ADAM9: variants seen among roughly 807,000 people sequenced by gnomAD.
ADAM9 encodes the protein disintegrin and metalloproteinase domain-containing protein 9.
ADAM9 carries 54 observed loss-of-function variants against 108.1 expected under a neutral mutation model. That is an observed-to-expected ratio of 0.50 (90% CI 0.40 to 0.63). The LOEUF (loss-of-function observed/expected upper bound fraction) is 0.63. Among genes scored for constraint, ADAM9 ranks in the 20% least tolerant of loss-of-function variants. The pLI is 0.00. For missense variants in ADAM9, 830 were observed against 997.7 expected (o/e 0.83, Z 2.26); for synonymous variants, 316 against 336.0 (o/e 0.94, Z 0.65).
In ADAM9 at chr8:39,077,345, C is replaced by T. The variant is rs748475480; in HGVS notation, c.1815C>T (p.Phe605=). The change falls in exon 16 of 22, where the codon TTC becomes TTT. Residue 605 remains phenylalanine, a synonymous_variant. Transcript: ENST00000487273. ...GCACCAAATGTTGGGGTGTGGATTT[C>T]CAGCTAGGATCAGATGTTCCAGATC... The part of the protein sequence containing the change: ...SRGTKCWGVD[F]QLGSDVPDPG... 2 of 1,613,820 alleles carry T rather than the reference C, an allele frequency of 1.2e-6. No individual in the cohort carries two copies. Among genetic ancestry groups the T allele is most frequent in the Non-Finnish European group, 1.7e-6 (2 of 1,179,930 alleles).
At chr8:39,032,755 T>A (rs1837138250) in intron 11 of ADAM9, among the ~76,000 whole-genome samples, 1 of 152,214 alleles carries the variant, frequency 6.6e-6, no homozygotes, top group Non-Finnish European at 1.5e-5. Context: ...CTGCGTCTGT[T>A]ACACTGGGAG....
chr8:39,102,730 T>C (rs1302992984), intron 21 of ADAM9, among the ~76,000 whole-genome samples: 2 of 152,132 alleles, frequency 1.3e-5, no homozygotes, highest in Admixed American at 1.3e-4. Flanking sequence ...TGTCATGGAA[T>C]TAAAAGTCAA....
At chr8:39,042,652 A>G (rs947393212) in intron 12 of ADAM9, among the ~76,000 whole-genome samples, 1 of 151,526 alleles carries the variant, frequency 6.6e-6, no homozygotes, top group East Asian at 1.9e-4. Context: ...TCCTTTTTTT[A>G]TGTTTGATGT....
chr8:39,069,098 A>T (rs1163560779), intron 14 of ADAM9, among the ~76,000 whole-genome samples: 1 of 152,166 alleles, frequency 6.6e-6, no homozygotes, highest in Non-Finnish European at 1.5e-5. Flanking sequence ...TACGGTGTAA[A>T]AAGGGTTGAT....
chr8:39,026,470 T>G (rs1032255508), intron 10 of ADAM9, among the ~76,000 whole-genome samples: 1 of 152,244 alleles, frequency 6.6e-6, no homozygotes, highest in Non-Finnish European at 1.5e-5. Flanking sequence ...GACCTCTTGC[T>G]TGAAGGATCC....
chr8:39,096,747 C>T (rs1459898890), intron 20 of ADAM9, among the ~76,000 whole-genome samples: 2 of 152,120 alleles, frequency 1.3e-5, no homozygotes, highest in Non-Finnish European at 2.9e-5. Context: ...ATGCTTTCTT[C>T]TGCCTCATCA....
rs1588375894 is a variant in ADAM9, at chr8:39,045,145, T to TATATGTGTGCATACATAC, written c.1302+3032_1302+3033insGTGTGCATACATACATAT. 4.8e-5 allele frequency among the ~76,000 whole-genome samples: 5 copies of TATATGTGTGCATACATAC among 103,854 alleles called. 2 individuals are homozygous for TATATGTGTGCATACATAC. The East Asian group carries it at 1.0e-3, about 22-fold the overall frequency. The allele number at this position is 103,854 out of a possible 152,430, so 68.1% of individuals were successfully genotyped here. A position where few individuals can be genotyped will look rare whatever the true frequency, so the allele number is the denominator to read the frequency against. ...GTGTGTGCATACATACATATATGTG[T>TATATGTGTGCATACATAC]ATATATGTGTATACATACATATATG... is the stretch of plus-strand genomic sequence containing the variant. On this transcript the variant is annotated intron_variant, in intron 12 of 21. Transcript: ENST00000487273.
chr8:39,031,794 C>G (rs1216767331), intron 11 of ADAM9, among the ~76,000 whole-genome samples: 2 of 152,162 alleles, frequency 1.3e-5, no homozygotes, highest in Non-Finnish European at 2.9e-5. Flanking sequence ...GTTTTATCTA[C>G]CTTTGGTCTT....
At chr8:39,055,975 A>G (rs768823238) in intron 14 of ADAM9, among the ~76,000 whole-genome samples, 21 of 152,052 alleles carry the variant, frequency 1.4e-4, no homozygotes, top group Non-Finnish European at 2.8e-4. Context: ...TACTGTCTAT[A>G]TCTTTTTATA....
chr8:39,079,162 C>T (rs1838941086), intron 16 of ADAM9, among the ~76,000 whole-genome samples: 1 of 152,222 alleles, frequency 6.6e-6, no homozygotes, highest in African/African-American at 2.4e-5. Flanking sequence ...TCCAGCCTTA[C>T]CTGCGAAGTT....
At chr8:39,005,745 C>G (rs1272081870) in intron 1 of ADAM9, among the ~76,000 whole-genome samples, 1 of 152,136 alleles carries the variant, frequency 6.6e-6, no homozygotes. Context: ...CTTTCCTGTC[C>G]TCCATTTTCA....
In ADAM9 at chr8:39,002,312, CTTTTTTTTTTTT is replaced by C. The variant is rs35517175; in HGVS notation, c.97+5165_97+5176del. 4.2e-5 allele frequency among the ~76,000 whole-genome samples: 3 copies of C among 71,492 alleles called. No homozygotes were observed. The South Asian group carries it at 1.6e-3, about 38-fold the overall frequency. The allele number at this position is 71,492 out of a possible 152,430, so 46.9% of individuals were successfully genotyped here. On this transcript the variant is annotated intron_variant, in intron 1 of 21. Transcript: ENST00000487273. ...GTTTGCTTTGCAATTAGGTAGAATTCTTTTTTTTTTTTTTTTTTTTTTTTGAGACAGAGTCTC... is the reference window on the plus strand; with the variant it reads ...GTTTGCTTTGCAATTAGGTAGAATTCTTTTTTTTTTTTGAGACAGAGTCTC...
chr8:39,090,688 T>G lies in ADAM9; in HGVS notation c.2210+500T>G, dbSNP rs528394436. On this transcript the variant is annotated intron_variant, in intron 19 of 21. Coordinates refer to ENST00000487273, the MANE Select transcript of ADAM9 (RefSeq NM_003816.3). ...AGTGACCCTCAGGGTTCATTTTGCT[T>G]AACACCAATTTCTGATAGAGGACTA... is the stretch of plus-strand genomic sequence containing the variant. Among the ~76,000 whole-genome samples the G allele has an allele frequency of 9.2e-5, 14 of 152,318 alleles. No homozygotes were observed. In the South Asian group the frequency reaches 2.9e-3, roughly 32 times the overall value.
intron 14 of ADAM9, among the ~76,000 whole-genome samples, chr8:39,066,969 T>C (rs891508985): frequency 6.6e-6 from 1 of 152,246 alleles, no homozygotes; most frequent in Non-Finnish European, 1.5e-5. Flanking sequence ...TTTCTACATA[T>C]GGCTAGCCAG....
At chr8:39,047,157 T>A (rs1481660073) in intron 12 of ADAM9, among the ~76,000 whole-genome samples, 2 of 152,206 alleles carry the variant, frequency 1.3e-5, no homozygotes, top group East Asian at 3.8e-4. Flanking sequence ...TTCTACTAGG[T>A]CATGTTGTAT....
chr8:39,009,895 T>TGG (rs550813895), intron 2 of ADAM9, among the ~76,000 whole-genome samples: 12 of 81,824 alleles, frequency 1.5e-4, no homozygotes, highest in African/African-American at 4.0e-4. Context: ...ATTCTAGTGA[T>TGG]GGGGGGGGGG....
At chr8:39,103,520 G>A in intron 21 of ADAM9, 87 bp from the exon 22 acceptor site, 1 of 1,257,216 alleles carries the variant, frequency 8.0e-7, no homozygotes, top group Non-Finnish European at 1.2e-6. Flanking sequence ...GAGATGTTGA[G>A]GATGGTGTTA....
At chr8:39,069,770 T>C (rs775864455) in intron 14 of ADAM9, among the ~76,000 whole-genome samples, 2 of 152,150 alleles carry the variant, frequency 1.3e-5, no homozygotes, top group African/African-American at 2.4e-5. Flanking sequence ...TATTGAAATA[T>C]TGAATATACA....
intron 12 of ADAM9, among the ~76,000 whole-genome samples, chr8:39,048,113 GT>G (rs1401772998): frequency 6.6e-6 from 1 of 152,058 alleles, no homozygotes; most frequent in African/African-American, 2.4e-5. Flanking sequence ...TAGAGATGGG[GT>G]TTCGCCATGT....
Sources: allele counts gnomAD v4.1 joint callset (sites outside exome capture counted in the v4.1 genomes callset), GRCh38; gene constraint gnomAD v4.1.1; transcripts MANE v1.5; gene names NCBI Gene and HGNC (gene_info 2026-07-23, HGNC 2026-07-21).